Variants in CFAP54 observed in about 807,000 individuals in gnomAD.
CFAP54 encodes cilia- and flagella-associated protein 54.
Under a neutral mutation model 370.4 loss-of-function variants are expected in CFAP54, and 290 were observed. That is an observed-to-expected ratio of 0.78 (90% CI 0.71 to 0.86). CFAP54 has a LOEUF of 0.86. CFAP54 is among the 40% of genes least tolerant of loss of function. CFAP54 has a pLI of 0.00. For missense variants in CFAP54, 3,399 were observed against 3,528.7 expected (o/e 0.96, Z 0.93); for synonymous variants, 1,206 against 1,236.5 (o/e 0.98, Z 0.52).
Position 96,623,777 on chromosome 12 carries a change from A to G in CFAP54, c.3782A>G (p.Lys1261Arg). 1.3e-6 allele frequency: 2 copies of G among 1,516,830 alleles called. No individual in the cohort carries two copies. The highest frequency in any genetic ancestry group is 1.8e-6 in the Non-Finnish European group (2 of 1,131,006). 94.0% of individuals were successfully genotyped at this position (1,516,830 alleles called of 1,614,324 possible). ...AACCAATGTTTTTAGGATTCTTCTA[A>G]GAAGTCTTTAAAGACTAAGAAGCCA... ...QEEMPEEDSS[K>R]KSLKTKKPQQ... Residue 1261 changes from lysine to arginine, a missense_variant, in exon 28 of 68, where the codon AAG becomes AGG. By Grantham distance (26) the Lys-to-Arg change is conservative (BLOSUM62 2). Around this residue, in one of 3 missense-constraint regions of CFAP54, gnomAD observed 2,796 missense variants for 2,869.7 expected, o/e 0.97. Coordinates refer to ENST00000524981, the MANE Select transcript of CFAP54 (RefSeq NM_001306084.2).
intron 27 of CFAP54, 98 bp downstream of exon 27, chr12:96,621,819 T>A (rs1956493679): frequency 3.5e-6 from 3 of 858,460 alleles, no homozygotes; most frequent in Non-Finnish European, 4.7e-6. Flanking sequence ...TGGTAAGTTT[T>A]ACATTTGTTA....
intron 28 of CFAP54, among the ~76,000 whole-genome samples, chr12:96,624,552 G>T (rs1005694584): frequency 6.6e-5 from 10 of 152,138 alleles, no homozygotes; most frequent in Admixed American, 1.3e-4. Context: ...AGCCTGGAAG[G>T]TTACTTGGGA....
At chr12:96,751,526 T>C (rs1042725145) in intron 55 of CFAP54, among the ~76,000 whole-genome samples, 54 of 152,124 alleles carry the variant, frequency 3.5e-4, no homozygotes, top group Admixed American at 3.3e-3. Context: ...TATACATATA[T>C]GTGGCATGAT....
At chr12:96,573,092 T>C in intron 19 of CFAP54, 8 of 936,286 alleles carry the variant, frequency 8.5e-6, no homozygotes, top group Non-Finnish European at 1.0e-5. Context: ...AGTGGGCCAG[T>C]GCTGCTGGTA....
chr12:96,794,617 T>C lies in CFAP54; in HGVS notation c.8850+2118T>C, dbSNP rs188020416. The stretch of plus-strand genomic sequence containing the variant: ...TTGTTTTTTATTTATGCTGTCTATT[T>C]CTCTGAAGATTTTTCCATCCATATC... On this transcript the variant is annotated intron_variant, in intron 63 of 67. Transcript: ENST00000524981. Among the ~76,000 whole-genome samples the C allele has an allele frequency of 1.0e-3, 152 of 152,294 alleles. 1 individual carries two copies. Among genetic ancestry groups the C allele is most frequent in the African/African-American group, 3.6e-3 (150 of 41,574 alleles).
At chr12:96,713,963 A>G (rs1565951268) in intron 48 of CFAP54, among the ~76,000 whole-genome samples, 1 of 152,222 alleles carries the variant, frequency 6.6e-6, no homozygotes, top group African/African-American at 2.4e-5. Flanking sequence ...AAGTCATAAT[A>G]AAATATTTGG....
At chr12:96,577,750 G>A (rs989852739) in intron 20 of CFAP54, among the ~76,000 whole-genome samples, 1 of 151,946 alleles carries the variant, frequency 6.6e-6, no homozygotes, top group Non-Finnish European at 1.5e-5. Context: ...TAAATGTTAA[G>A]TAGTAAAGCT....
chr12:96,693,323 T>C (rs1213840250), intron 44 of CFAP54, among the ~76,000 whole-genome samples: 1 of 152,228 alleles, frequency 6.6e-6, no homozygotes, highest in African/African-American at 2.4e-5. Context: ...ATTGAGTTCC[T>C]TTGCTTTAAA....
intron 28 of CFAP54, among the ~76,000 whole-genome samples, chr12:96,624,157 A>C (rs1956528086): frequency 6.6e-6 from 1 of 152,200 alleles, no homozygotes; most frequent in Non-Finnish European, 1.5e-5. Flanking sequence ...AAGTTTTCTC[A>C]ACCTCGACAC....
chr12:96,698,969 C>T (rs1279203804), intron 45 of CFAP54, among the ~76,000 whole-genome samples: 1 of 152,104 alleles, frequency 6.6e-6, no homozygotes. Context: ...CTTCTTGGGT[C>T]CAAATGTCCC....
chr12:96,814,630 C>T (rs1162047587), intron 64 of CFAP54, among the ~76,000 whole-genome samples: 4 of 152,234 alleles, frequency 2.6e-5, no homozygotes, highest in South Asian at 2.1e-4. Flanking sequence ...GGCAGTTTGC[C>T]GCACCTATCA....
intron 40 of CFAP54, among the ~76,000 whole-genome samples, chr12:96,684,206 A>G (rs1056280766): frequency 2.0e-5 from 3 of 152,232 alleles, no homozygotes; most frequent in African/African-American, 7.2e-5. Context: ...TCCATCTGCT[A>G]TAGGATAACA....
intron 14 of CFAP54, among the ~76,000 whole-genome samples, chr12:96,545,304 G>GGGAATGGAGTTGAGGGGAAAAATGAC (rs1955626613): frequency 6.6e-6 from 1 of 152,054 alleles, no homozygotes; most frequent in South Asian, 2.1e-4. Context: ...ACAGATAACG[G>GGGAATGGAGTTGAGGGGAAAAATGAC]GTTGATGGGT....
chr12:96,809,464 A>T (rs1012728499), intron 63 of CFAP54, among the ~76,000 whole-genome samples: 3 of 151,888 alleles, frequency 2.0e-5, no homozygotes, highest in Admixed American at 2.0e-4. Flanking sequence ...TTTATTTTTA[A>T]GTAGTCTTCC....
intron 28 of CFAP54, among the ~76,000 whole-genome samples, chr12:96,624,918 A>G (rs1956534670): frequency 6.6e-6 from 1 of 152,210 alleles, no homozygotes; most frequent in Admixed American, 6.5e-5. Context: ...TATTATATAT[A>G]TAAAGTATAA....
chr12:96,774,866 A>T (rs1036203500), intron 60 of CFAP54, among the ~76,000 whole-genome samples: 27 of 152,184 alleles, frequency 1.8e-4, no homozygotes, highest in East Asian at 3.9e-4. Flanking sequence ...ATTATAATTT[A>T]AAAAAATTAT....
At chr12:96,736,454 G>T (rs1295368048) in intron 50 of CFAP54, among the ~76,000 whole-genome samples, 1 of 152,162 alleles carries the variant, frequency 6.6e-6, no homozygotes, top group African/African-American at 2.4e-5. Flanking sequence ...AGGAGGCAGG[G>T]TCATGAAAGA....
At chr12:96,726,925 C>T (rs1446215408) in intron 50 of CFAP54, among the ~76,000 whole-genome samples, 3 of 152,068 alleles carry the variant, frequency 2.0e-5, no homozygotes, top group Admixed American at 6.5e-5. Flanking sequence ...GCCTTCATTT[C>T]GTTATGTACC....
At chr12:96,640,498 GC>G (rs1461752104) in intron 32 of CFAP54, among the ~76,000 whole-genome samples, 1 of 152,150 alleles carries the variant, frequency 6.6e-6, no homozygotes, top group Non-Finnish European at 1.5e-5. Context: ...TGGCCATACT[GC>G]CCAAGGTAAT....
Sources: gnomAD v4.1 joint callset for allele counts (sites outside exome capture counted in the v4.1 genomes callset) on GRCh38, gnomAD v4.1.1 for gene constraint, gnomAD v4.1.1 regional missense constraint, MANE v1.5 for transcripts, NCBI Gene and HGNC (gene_info 2026-07-23, HGNC 2026-07-21) for gene names.